The following NR6A1 variants were observed in gnomAD, a reference collection of about 807,000 sequenced individuals.
NR6A1 encodes the protein retinoic acid receptor-related testis-associated receptor.
Under a neutral mutation model 59.1 loss-of-function variants are expected in NR6A1, and 7 were observed. The observed-to-expected ratio is 0.12, with a 90% CI of 0.07 to 0.22. The LOEUF is 0.22. NR6A1 is among the 10% of genes least tolerant of loss of function. The probability of loss-of-function intolerance (pLI) is 1.00; values close to 1 mark genes in which losing one functional copy is unlikely to be tolerated. For synonymous variants in NR6A1, 243 were observed against 236.1 expected (o/e 1.03, Z -0.27); for missense variants, 468 against 611.6 (o/e 0.77, Z 2.48).
chr9:124,616,619 C>A (rs1250402630), intron 2 of NR6A1, among the ~76,000 whole-genome samples: 5 of 152,046 alleles, frequency 3.3e-5, no homozygotes, highest in Admixed American at 2.0e-4. Context: ...TACTTATACA[C>A]ACACATATAT....
chr9:124,696,953 C>T (rs1838784924), intron 2 of NR6A1, among the ~76,000 whole-genome samples: 1 of 152,188 alleles, frequency 6.6e-6, no homozygotes. Flanking sequence ...CCACCGCACC[C>T]GGCCTGAAAT....
intron 2 of NR6A1, among the ~76,000 whole-genome samples, chr9:124,564,049 G>A (rs1478458513): frequency 3.9e-5 from 6 of 152,130 alleles, no homozygotes; most frequent in Non-Finnish European, 8.8e-5. Context: ...CTGTACTCCA[G>A]CCTGGATGAC....
intron 2 of NR6A1, among the ~76,000 whole-genome samples, chr9:124,648,334 C>T (rs570452874): frequency 4.0e-5 from 6 of 151,718 alleles, no homozygotes; most frequent in Non-Finnish European, 8.8e-5. Context: ...CCCATCTCTA[C>T]CAAAATAAAT....
At chr9:124,595,699 T>A (rs1191253696) in intron 2 of NR6A1, 9 of 1,035,020 alleles carry the variant, frequency 8.7e-6, no homozygotes, top group Non-Finnish European at 1.2e-5. Flanking sequence ...GCTCTAAACC[T>A]TCAAAGAAAA....
chr9:124,687,082 C>G (rs1838357303), intron 2 of NR6A1, among the ~76,000 whole-genome samples: 1 of 151,804 alleles, frequency 6.6e-6, no homozygotes, highest in South Asian at 2.1e-4. Context: ...AATTTGCTAT[C>G]TCAGTTACTT....
At chr9:124,562,347 AAAC>A (rs2131404977) in intron 2 of NR6A1, among the ~76,000 whole-genome samples, 1 of 152,342 alleles carries the variant, frequency 6.6e-6, no homozygotes, top group African/African-American at 2.4e-5. Context: ...AACTAAACAC[AAAC>A]ATTATTAGAA....
At chr9:124,539,610 C>T (rs183129287) in intron 5 of NR6A1, among the ~76,000 whole-genome samples, 7 of 152,254 alleles carry the variant, frequency 4.6e-5, no homozygotes, top group South Asian at 4.1e-4. Context: ...ATTTGACTGG[C>T]TTAAAAAGCC....
intron 2 of NR6A1, among the ~76,000 whole-genome samples, chr9:124,618,385 C>T (rs992330180): frequency 1.3e-5 from 2 of 151,848 alleles, no homozygotes; most frequent in Non-Finnish European, 2.9e-5. Context: ...CAGGAGGCTG[C>T]GGCAGGAGAA....
intron 3 of NR6A1, among the ~76,000 whole-genome samples, chr9:124,544,514 A>T (rs764697661): frequency 5.3e-5 from 8 of 152,234 alleles, no homozygotes; most frequent in Non-Finnish European, 1.0e-4. Context: ...TTGCAATTAT[A>T]GTAGGACCAC....
chr9:124,564,580 G>A (rs1002265429), intron 2 of NR6A1, among the ~76,000 whole-genome samples: 1 of 152,050 alleles, frequency 6.6e-6, no homozygotes, highest in Non-Finnish European at 1.5e-5. Flanking sequence ...AGCTGAAGAA[G>A]GTTTTTAAGT....
At chr9:124,743,494 ATGTATT>A (rs1840235114) in intron 1 of NR6A1, among the ~76,000 whole-genome samples, 1 of 152,192 alleles carries the variant, frequency 6.6e-6, no homozygotes, top group South Asian at 2.1e-4. Context: ...TACTATGCCC[ATGTATT>A]TGCTCAGCTT....
At chr9:124,621,483 T>A (rs1446163485) in intron 2 of NR6A1, among the ~76,000 whole-genome samples, 2 of 143,442 alleles carry the variant, frequency 1.4e-5, no homozygotes, top group African/African-American at 2.6e-5. Context: ...CCAATATCTT[T>A]AAAAAAAAAA....
At chr9:124,645,641 GA>G (rs1412657039) in intron 2 of NR6A1, among the ~76,000 whole-genome samples, 1 of 152,156 alleles carries the variant, frequency 6.6e-6, no homozygotes, top group Non-Finnish European at 1.5e-5. Context: ...CAAAATACCT[GA>G]AGCAAAACCT....
At chr9:124,569,938 T>C (rs1324883441) in intron 2 of NR6A1, among the ~76,000 whole-genome samples, 1 of 152,186 alleles carries the variant, frequency 6.6e-6, no homozygotes, top group African/African-American at 2.4e-5. Context: ...GATGGACTAT[T>C]TGGGAGTTAT....
chr9:124,651,122 C>T (rs1158010793), intron 2 of NR6A1, among the ~76,000 whole-genome samples: 2 of 152,186 alleles, frequency 1.3e-5, no homozygotes, highest in Admixed American at 1.3e-4. Flanking sequence ...GTGGTTCCAT[C>T]TCAGCTCACT....
intron 2 of NR6A1, among the ~76,000 whole-genome samples, chr9:124,620,980 A>C (rs1339022772): frequency 1.3e-5 from 2 of 152,188 alleles, no homozygotes; most frequent in South Asian, 4.1e-4. Context: ...GAGAAAAAAG[A>C]AAAATGATGT....
At chr9:124,725,970 G>A (rs1839704917) in intron 2 of NR6A1, among the ~76,000 whole-genome samples, 1 of 152,188 alleles carries the variant, frequency 6.6e-6, no homozygotes, top group Non-Finnish European at 1.5e-5. Context: ...AATCTTGCCA[G>A]ATGTAGCTAC....
intron 2 of NR6A1, among the ~76,000 whole-genome samples, chr9:124,686,965 A>G (rs59647643): frequency 0.017 from 2,535 of 152,172 alleles, 85 homozygotes; most frequent in East Asian, 0.16. Context: ...TCGGCCACCT[A>G]AAGTGCTGGG....
intron 2 of NR6A1, among the ~76,000 whole-genome samples, chr9:124,724,309 T>C (rs1839649902): frequency 6.6e-6 from 1 of 152,196 alleles, no homozygotes; most frequent in African/African-American, 2.4e-5. Flanking sequence ...ATGCTTCTAT[T>C]TTCTTTTAGT....
Sources: allele counts gnomAD v4.1 joint callset (sites outside exome capture counted in the v4.1 genomes callset), GRCh38; gene constraint gnomAD v4.1.1; transcripts MANE v1.5; gene names NCBI Gene and HGNC (gene_info 2026-07-23, HGNC 2026-07-21).